Variants in GAS7 observed in about 807,000 individuals in gnomAD.
The protein encoded by GAS7 is growth arrest-specific protein 7.
Under a neutral mutation model 71.1 loss-of-function variants are expected in GAS7, and 28 were observed. The ratio of observed to expected loss-of-function variants is 0.39; its 90% CI spans 0.29 to 0.54. The LOEUF (loss-of-function observed/expected upper bound fraction) is 0.54. Among genes scored for constraint, GAS7 ranks in the 20% least tolerant of loss-of-function variants. The pLI is 0.62. For synonymous variants in GAS7, 258 were observed against 245.8 expected (o/e 1.05, Z -0.46); for missense variants, 436 against 627.8 (o/e 0.69, Z 3.27).
At chr17:10,193,812 G>C (rs1181988698) in intron 1 of GAS7, among the ~76,000 whole-genome samples, 1 of 152,170 alleles carries the variant, frequency 6.6e-6, no homozygotes, top group Non-Finnish European at 1.5e-5. Context: ...GCAACTGCAT[G>C]AGAGACACTG....
intron 1 of GAS7, among the ~76,000 whole-genome samples, chr17:10,090,907 C>T (rs1030745019): frequency 6.6e-6 from 1 of 152,128 alleles, no homozygotes; most frequent in South Asian, 2.1e-4. Flanking sequence ...GCTGGAGAGC[C>T]GCTTGAAAAG....
At chr17:10,050,618 G>T (rs1421435963) in intron 1 of GAS7, among the ~76,000 whole-genome samples, 2 of 152,144 alleles carry the variant, frequency 1.3e-5, no homozygotes, top group Non-Finnish European at 2.9e-5. Context: ...GCTGGAAAAG[G>T]TGACCCTCTC....
rs201227621 is a variant in GAS7, at chr17:10,159,542, A to AC, written c.183+38665dup. On this transcript the variant is annotated intron_variant, in intron 1 of 13. Transcript: ENST00000432992. ...GTGTTAAGTGAGAAAAGCCAGATGC[A>AC]CCCCCCCCAACCTCCATCACCAAAA... Among the ~76,000 whole-genome samples the AC allele has an allele frequency of 7.8e-4, 118 of 150,448 alleles. 3 individuals carry two copies. The South Asian group carries it at 0.013, about 16-fold the overall frequency.
At chr17:10,099,289 T>C (rs2152260278) in intron 1 of GAS7, among the ~76,000 whole-genome samples, 1 of 152,222 alleles carries the variant, frequency 6.6e-6, no homozygotes, top group South Asian at 2.1e-4. Flanking sequence ...GGTGCATTCC[T>C]GGGGAGCCCT....
At chr17:10,047,212 A>G (rs906263481) in intron 1 of GAS7, among the ~76,000 whole-genome samples, 1 of 152,202 alleles carries the variant, frequency 6.6e-6, no homozygotes, top group Non-Finnish European at 1.5e-5. Flanking sequence ...CTACAGGCCA[A>G]GCCCAGCCAA....
chr17:9,995,896 T>C (rs1045201380), intron 2 of GAS7, among the ~76,000 whole-genome samples: 5 of 152,210 alleles, frequency 3.3e-5, no homozygotes, highest in African/African-American at 1.2e-4. Context: ...GGTGGCATCC[T>C]GTGGAGCTGC....
At chr17:10,045,040 CAAAAAA>C (rs5819261) in intron 1 of GAS7, among the ~76,000 whole-genome samples, 13 of 82,200 alleles carry the variant, frequency 1.6e-4, no homozygotes, top group African/African-American at 4.7e-4. Context: ...GACTCCATCT[CAAAAAA>C]AAAAAAAAAA....
chr17:10,162,139 G>GCACATGTGCAT (rs1318588607), intron 1 of GAS7, among the ~76,000 whole-genome samples: 1 of 151,502 alleles, frequency 6.6e-6, no homozygotes, highest in Admixed American at 6.6e-5. Context: ...CCAGTCTGAA[G>GCACATGTGCAT]GTGCTAATAT....
At chr17:10,025,778 T>G (rs978185679) in intron 1 of GAS7, among the ~76,000 whole-genome samples, 1 of 152,176 alleles carries the variant, frequency 6.6e-6, no homozygotes, top group Non-Finnish European at 1.5e-5. Context: ...TTTGTCACAG[T>G]GATCCTGGGT....
chr17:10,179,630 A>T (rs2074399423), intron 1 of GAS7, among the ~76,000 whole-genome samples: 1 of 152,150 alleles, frequency 6.6e-6, no homozygotes, highest in Non-Finnish European at 1.5e-5. Context: ...ACTATAACAA[A>T]CTCAGAGATC....
At chr17:9,996,677 C>T (rs959626669) in intron 2 of GAS7, among the ~76,000 whole-genome samples, 4 of 151,360 alleles carry the variant, frequency 2.6e-5, no homozygotes, top group Non-Finnish European at 5.9e-5. Context: ...CTCGCTCTGT[C>T]GCCCAGGCTG....
Position 9,926,624 on chromosome 17 carries a change from C to T in GAS7, c.1014+17G>A, listed in dbSNP as rs766816895. 3 of 1,611,500 alleles carry T rather than the reference C, an allele frequency of 1.9e-6. No individual in the cohort carries two copies. The highest frequency in any genetic ancestry group is 1.7e-6 in the Non-Finnish European group (2 of 1,179,544). On this transcript the variant is annotated intron_variant, in intron 10 of 13. Coordinates refer to ENST00000432992, the MANE Select transcript of GAS7 (RefSeq NM_201433.2). The surrounding 1 kb of genome is among the most constrained non-coding windows in gnomAD (Gnocchi z 5.0). Reference sequence around the variant, plus strand: ...CCCCCATGCACCTGCCCTGGCCCAGCGTCCTGGGCCTCTCACCTTCTCCAC... The same window carrying T: ...CCCCCATGCACCTGCCCTGGCCCAGTGTCCTGGGCCTCTCACCTTCTCCAC...
At chr17:10,072,961 T>C (rs1009727785) in intron 1 of GAS7, among the ~76,000 whole-genome samples, 3 of 151,940 alleles carry the variant, frequency 2.0e-5, no homozygotes, top group Non-Finnish European at 4.4e-5. Context: ...ATTCCATCAT[T>C]CTAAGTAAAT....
At chr17:10,143,164 A>G (rs2074096330) in intron 1 of GAS7, among the ~76,000 whole-genome samples, 1 of 152,162 alleles carries the variant, frequency 6.6e-6, no homozygotes, top group African/African-American at 2.4e-5. Flanking sequence ...CCTGGGCGAC[A>G]GAGACAGACT....
Position 9,926,855 on chromosome 17 carries a change from C to T in GAS7, c.886-86G>A. 1 of 1,417,758 alleles carries T rather than the reference C, an allele frequency of 7.1e-7. No homozygotes were observed. The highest frequency in any genetic ancestry group is 1.2e-5 in the South Asian group (1 of 86,568). The allele number at this position is 1,417,758 out of a possible 1,614,324, so 87.8% of individuals were successfully genotyped here. On this transcript the variant is annotated intron_variant, in intron 9 of 13. Coordinates refer to ENST00000432992, the MANE Select transcript of GAS7 (RefSeq NM_201433.2). This position sits in a 1 kb window ranked among gnomAD's most constrained non-coding sequence, Gnocchi z 5.0. ...GGAGGAGGGATGGGAGGGGCACCCC[C>T]ACTTCCCCAGGCAAGTGAGGATGAG...
intron 1 of GAS7, among the ~76,000 whole-genome samples, chr17:10,099,494 G>A (rs1364647703): frequency 6.6e-6 from 1 of 152,180 alleles, no homozygotes; most frequent in African/African-American, 2.4e-5. Flanking sequence ...AGTGGTTCTG[G>A]CAGGGCACCC....
chr17:10,054,207 C>T (rs2073103177), intron 1 of GAS7, among the ~76,000 whole-genome samples: 1 of 150,024 alleles, frequency 6.7e-6, no homozygotes, highest in African/African-American at 2.5e-5. Flanking sequence ...TCCTTCTTTT[C>T]ATAGACATGG....
chr17:10,038,469 GA>G (rs2072799776), intron 1 of GAS7, among the ~76,000 whole-genome samples: 1 of 152,210 alleles, frequency 6.6e-6, no homozygotes, highest in African/African-American at 2.4e-5. Context: ...AGCCCCTGTG[GA>G]AAATAGTGTG....
chr17:9,960,877 C>T (rs1479537449), intron 4 of GAS7, among the ~76,000 whole-genome samples: 6 of 152,226 alleles, frequency 3.9e-5, no homozygotes, highest in Admixed American at 3.9e-4. Context: ...GATTACTAGC[C>T]TTGAGACCCT....
Sources: gnomAD v4.1 joint callset for allele counts (sites outside exome capture counted in the v4.1 genomes callset) on GRCh38, gnomAD v4.1.1 for gene constraint, Gnocchi (gnomAD v3.1) non-coding constraint, MANE v1.5 for transcripts, NCBI Gene and HGNC (gene_info 2026-07-23, HGNC 2026-07-21) for gene names.